Variants in CYFIP2 observed in about 807,000 individuals in gnomAD.
The protein encoded by CYFIP2 is cytoplasmic FMR1-interacting protein 2.
CYFIP2 carries 29 observed loss-of-function variants against 158.7 expected under a neutral mutation model. The ratio of observed to expected loss-of-function variants is 0.18; its 90% CI spans 0.14 to 0.25. The LOEUF is 0.25. Ranked by LOEUF, CYFIP2 falls within the 10% of genes least tolerant of loss-of-function variation. CYFIP2 has a pLI of 1.00. For synonymous variants in CYFIP2, 585 were observed against 617.6 expected (o/e 0.95, Z 0.78); for missense variants, 852 against 1,639.5 (o/e 0.52, Z 8.29).
chr5:157,379,297 T>G (rs1765800899), intron 26 of CYFIP2, among the ~76,000 whole-genome samples: 1 of 152,100 alleles, frequency 6.6e-6, no homozygotes, highest in African/African-American at 2.4e-5. Context: ...GGTAACAGGA[T>G]TTAGTATCTT....
chr5:157,332,670 G>T (rs866295918), intron 20 of CYFIP2, among the ~76,000 whole-genome samples: 1 of 152,132 alleles, frequency 6.6e-6, no homozygotes, highest in African/African-American at 2.4e-5. Flanking sequence ...AAGAGACAGG[G>T]TCTCTTTCTG....
At chr5:157,273,134 G>A (rs1265832061) in intron 1 of CYFIP2, among the ~76,000 whole-genome samples, 1 of 152,160 alleles carries the variant, frequency 6.6e-6, no homozygotes, top group East Asian at 1.9e-4. Flanking sequence ...CCAAAGTGCT[G>A]GGATTACAGG....
In CYFIP2 at chr5:157,380,503, T is replaced by G. The variant is rs574371140; in HGVS notation, c.3040-2087T>G. Among the ~76,000 whole-genome samples, 44 of 152,332 alleles carry G rather than the reference T, an allele frequency of 2.9e-4. No homozygotes were observed. In the South Asian group the frequency reaches 8.3e-3, roughly 29 times the overall value. On this transcript the variant is annotated intron_variant, in intron 26 of 30. Transcript: ENST00000620254. ...TTCACTGTCATAATGTCCCCTGTTATAATTTTGGAAAGGTGGTTTTGTCTC... is the reference window on the plus strand; with the variant it reads ...TTCACTGTCATAATGTCCCCTGTTAGAATTTTGGAAAGGTGGTTTTGTCTC...
At chr5:157,376,616 A>T (rs1011762805) in intron 26 of CYFIP2, 6 of 177,136 alleles carry the variant, frequency 3.4e-5, no homozygotes, top group African/African-American at 1.4e-4. Context: ...GCTAGTAGAC[A>T]TGGAAATGTT....
At chr5:157,305,258 G>A (rs1156835326) in intron 8 of CYFIP2, among the ~76,000 whole-genome samples, 1 of 152,150 alleles carries the variant, frequency 6.6e-6, no homozygotes, top group African/African-American at 2.4e-5. Flanking sequence ...CTTCCTCTGG[G>A]TAGACACCCG....
intron 26 of CYFIP2, 149 bp from the exon 27 acceptor site, chr5:157,382,441 T>A (rs2113511388): frequency 1.4e-6 from 1 of 709,344 alleles, no homozygotes; most frequent in East Asian, 2.7e-5. Context: ...TCAGAGAAGC[T>A]AAGTAACTTG....
chr5:157,359,428 T>C lies in CYFIP2; in HGVS notation c.2817+280T>C, dbSNP rs564736398. ...ACTGAACTCAGAAATCCTGATATTGTCCTTCAGCGCTTGCCACTGACTGCT... is the reference window on the plus strand; with the variant it reads ...ACTGAACTCAGAAATCCTGATATTGCCCTTCAGCGCTTGCCACTGACTGCT... On this transcript the variant is annotated intron_variant, in intron 24 of 30. Coordinates refer to ENST00000620254, the MANE Select transcript of CYFIP2 (RefSeq NM_001037333.3). Among the ~76,000 whole-genome samples the C allele has an allele frequency of 2.1e-3, 315 of 152,328 alleles. 1 individual carries two copies. Among genetic ancestry groups the C allele is most frequent in the African/African-American group, 7.0e-3 (289 of 41,576 alleles).
In CYFIP2 at chr5:157,307,683, T is replaced by C. The variant is rs971188651; in HGVS notation, c.796-78T>C. 1.3e-4 allele frequency: 90 copies of C among 682,466 alleles called. No homozygotes were observed. In the African/African-American group the frequency reaches 1.5e-3, roughly 11 times the overall value. 42.3% of individuals were successfully genotyped at this position (682,466 alleles called of 1,614,324 possible). On this transcript the variant is annotated intron_variant, in intron 8 of 30. Coordinates refer to ENST00000620254, the MANE Select transcript of CYFIP2 (RefSeq NM_001037333.3). ...TGTGTGTGTGTGTGTGTGACACATA[T>C]ACAGACCTACCTTTTTGTTTTTAAA...
chr5:157,326,986 C>T (rs1761075168), intron 18 of CYFIP2, among the ~76,000 whole-genome samples: 2 of 152,306 alleles, frequency 1.3e-5, no homozygotes, highest in South Asian at 2.1e-4. Flanking sequence ...AAATATTAAA[C>T]ATGAAAGACT....
At position 157,393,914 on chromosome 5, in the gene CYFIP2, CAAGA is replaced by C. The variant is rs1010951270; in HGVS notation, c.*921_*924del. On this transcript the variant is annotated 3_prime_UTR_variant, in exon 31 of 31. Transcript: ENST00000620254. ...AATTGCTTATCAAGGAACATTTCCA[CAAGA>C]AAGAAAATATTAAGGGGTTATTTCC... 6.6e-6 allele frequency: 1 copy of C among 152,060 alleles called. No homozygotes were observed. The highest frequency in any genetic ancestry group is 2.4e-5 in the African/African-American group (1 of 41,380). 9.4% of individuals were successfully genotyped at this position (152,060 alleles called of 1,614,324 possible).
At chr5:157,369,145 G>C (rs1764738142) in intron 26 of CYFIP2, among the ~76,000 whole-genome samples, 1 of 152,120 alleles carries the variant, frequency 6.6e-6, no homozygotes, top group Non-Finnish European at 1.5e-5. Flanking sequence ...TGATCCACCT[G>C]CCTTGGCCTC....
intron 5 of CYFIP2, among the ~76,000 whole-genome samples, chr5:157,297,948 C>G (rs969866270): frequency 1.3e-5 from 2 of 152,198 alleles, no homozygotes; most frequent in African/African-American, 4.8e-5. Flanking sequence ...AGATATGGAC[C>G]ATTTTCATCT....
At position 157,317,238 on chromosome 5, in the gene CYFIP2, T is replaced by C. The variant is rs1023340472; in HGVS notation, c.1356+2144T>C. ...CATCTAGTCATTACTTTGCTATACA[T>C]TGGGAGGTTTTATCATTTTTATCTC... On this transcript the variant is annotated intron_variant, in intron 13 of 30. Coordinates refer to ENST00000620254, the MANE Select transcript of CYFIP2 (RefSeq NM_001037333.3). 7.2e-5 allele frequency among the ~76,000 whole-genome samples: 11 copies of C among 152,150 alleles called. No individual in the cohort carries two copies. The East Asian group carries it at 1.9e-3, about 27-fold the overall frequency.
At chr5:157,331,894 A>G (rs1470132920) in intron 20 of CYFIP2, among the ~76,000 whole-genome samples, 1 of 152,238 alleles carries the variant, frequency 6.6e-6, no homozygotes, top group East Asian at 1.9e-4. Context: ...CACAGCAGGT[A>G]CTCAACAAAT....
chr5:157,278,812 C>T (rs1287236675), intron 1 of CYFIP2, among the ~76,000 whole-genome samples: 1 of 152,098 alleles, frequency 6.6e-6, no homozygotes, highest in African/African-American at 2.4e-5. Context: ...TGTACTAGGC[C>T]CCTAAAAACC....
chr5:157,310,742 G>A (rs1424965432), intron 10 of CYFIP2, among the ~76,000 whole-genome samples: 1 of 152,336 alleles, frequency 6.6e-6, no homozygotes, highest in Non-Finnish European at 1.5e-5. Flanking sequence ...CTCTCCACAG[G>A]TAACTCTTTG....
intron 23 of CYFIP2, among the ~76,000 whole-genome samples, chr5:157,347,447 A>G (rs1046022685): frequency 3.3e-5 from 5 of 152,160 alleles, no homozygotes; most frequent in African/African-American, 1.2e-4. Context: ...TGCCCATGGC[A>G]TTCAGTCTTC....
At chr5:157,382,800 A>G in intron 27 of CYFIP2, 138 bp downstream of exon 27, 1 of 890,188 alleles carries the variant, frequency 1.1e-6, no homozygotes, top group South Asian at 1.7e-5. Flanking sequence ...CCACAGAATC[A>G]CAAATTGGAA....
At chr5:157,358,103 G>A (rs1187996012) in intron 23 of CYFIP2, among the ~76,000 whole-genome samples, 2 of 152,198 alleles carry the variant, frequency 1.3e-5, no homozygotes, top group Non-Finnish European at 2.9e-5. Flanking sequence ...CACAAAGCCT[G>A]GCATTAGGTG....
Sources: allele counts gnomAD v4.1 joint callset (sites outside exome capture counted in the v4.1 genomes callset), GRCh38; gene constraint gnomAD v4.1.1; transcripts MANE v1.5; gene names NCBI Gene and HGNC (gene_info 2026-07-23, HGNC 2026-07-21).